The following EVC variants were observed in gnomAD, a reference collection of about 807,000 sequenced individuals.
The protein encoded by EVC is EvC ciliary complex subunit 1, also known as evC complex member EVC.
A neutral mutation model predicts 118.9 loss-of-function variants in EVC; 116 were observed. The observed-to-expected ratio is 0.98, with a 90% CI of 0.84 to 1.14. EVC has a LOEUF of 1.14. Among genes scored for constraint, EVC ranks in the 50% most tolerant of loss-of-function variants. EVC has a pLI of 0.00. For synonymous variants in EVC, 619 were observed against 534.7 expected, an observed-to-expected ratio of 1.16 and a Z score of -2.18; for missense variants, 1,401 against 1,246.4, an observed-to-expected ratio of 1.12 and a Z score of -1.87.
chr4:5,749,313 C>T lies in EVC; in HGVS notation c.1098+1007C>T, dbSNP rs1159568035. ...ATTGTCTTAGGCCACACATAAAATACATTAACACTAACGATAGCTGATGAG... is the reference window on the plus strand; with the variant it reads ...ATTGTCTTAGGCCACACATAAAATATATTAACACTAACGATAGCTGATGAG... On this transcript the variant is annotated intron_variant, in intron 8 of 20. Transcript: ENST00000264956. This position sits in a 1 kb window ranked among gnomAD's most constrained non-coding sequence, Gnocchi z 4.4. Among the ~76,000 whole-genome samples the T allele has an allele frequency of 7.7e-6, 1 of 129,894 alleles. No homozygotes were observed. Among genetic ancestry groups the T allele is most frequent in the African/African-American group, 3.0e-5 (1 of 32,866 alleles). 85.2% of individuals were successfully genotyped at this position (129,894 alleles called of 152,430 possible). A position where few individuals can be genotyped will look rare whatever the true frequency, so the allele number is the denominator to read the frequency against.
intron 11 of EVC, among the ~76,000 whole-genome samples, chr4:5,759,829 C>T (rs1303278722): frequency 1.3e-5 from 2 of 152,186 alleles, no homozygotes; most frequent in Non-Finnish European, 2.9e-5. Context: ...GGGACACAGC[C>T]TCAGGAGGGC....
At chr4:5,818,171 C>T (rs2152417553), downstream of EVC, among the ~76,000 whole-genome samples, 1 of 152,180 alleles carries the variant, frequency 6.6e-6, no homozygotes, top group South Asian at 2.1e-4. Context: ...AAACCATTTT[C>T]ACTTGGTTCT....
At chr4:5,748,394 A>T in intron 8 of EVC, 88 bp downstream of exon 8, 2 of 1,451,392 alleles carry the variant, frequency 1.4e-6, no homozygotes, top group East Asian at 4.6e-5. Flanking sequence ...AATCTAACAG[A>T]TTCATGTTGT....
At position 5,801,966 on chromosome 4, in the gene EVC, C is replaced by T. The variant is rs767144263; in HGVS notation, c.2321C>T (p.Ala774Val). The change falls in exon 16 of 21, where the codon GCG becomes GTG. Residue 774 changes from alanine (A) to valine (V), a missense_variant. Physicochemically the swap from Ala to Val is moderately conservative, Grantham distance 64 (BLOSUM62 0). Transcript: ENST00000264956. ...TTCCCTCAGAGGACACTGATGGAGG[C>T]GGCAGTGGAGAGCGTCTACGTGACC... The part of the protein sequence containing the change: ...RDDFKRTLME[A>V]AVESVYVTSA... 4.6e-5 allele frequency: 75 copies of T among 1,613,524 alleles called. No homozygotes were observed. Among genetic ancestry groups the T allele is most frequent in the Non-Finnish European group, 5.5e-5 (65 of 1,179,982 alleles).
At position 5,742,539 on chromosome 4, in the gene EVC, T is replaced by G. The variant is rs891528676; in HGVS notation, c.801+725T>G. Among the ~76,000 whole-genome samples the G allele has an allele frequency of 1.3e-5, 2 of 152,182 alleles. No homozygotes were observed. Among genetic ancestry groups the G allele is most frequent in the Non-Finnish European group, 2.9e-5 (2 of 68,028 alleles). ...TCATCACCATAAACACCATCATCTT[T>G]GCTATTGTCACCACTGACATCATCA... On this transcript the variant is annotated intron_variant, in intron 6 of 20. Transcript: ENST00000264956. This position sits in a 1 kb window ranked among gnomAD's most constrained non-coding sequence, Gnocchi z 5.2.
Position 5,810,967 on chromosome 4 carries a change from G to T in EVC, c.2909G>T (p.Ser970Ile), listed in dbSNP as rs756750818. ...TCTGTTTTAAGCAGCAAAAGGCTGA[G>T]TCAGCAAGAAAGTGAAGCTGGGGAC... ...TSGSLSSKRL[S>I]QQESEAGDSG... Residue 970 changes from serine (S) to isoleucine (I), a missense_variant, in exon 21 of 21, where the codon AGT (serine) becomes ATT (isoleucine). Ser to Ile is a moderately radical substitution (Grantham distance 142, BLOSUM62 -2). Transcript: ENST00000264956. The T allele has an allele frequency of 1.2e-6, 2 of 1,612,690 alleles. No homozygotes were observed. Among genetic ancestry groups the T allele is most frequent in the South Asian group, 2.2e-5 (2 of 90,668 alleles).
intron 11 of EVC, among the ~76,000 whole-genome samples, chr4:5,767,289 A>C (rs1733056261): frequency 6.7e-6 from 1 of 150,010 alleles, no homozygotes; most frequent in African/African-American, 2.4e-5. Context: ...TGGGAGAACC[A>C]CTGCTCTCTT....
At position 5,753,791 on chromosome 4, in the gene EVC, T is replaced by TC; in HGVS notation, c.1324dup (p.Gln442ProfsTer35). The TC allele has an allele frequency of 6.2e-7, 1 of 1,614,098 alleles. No individual in the cohort carries two copies. The highest frequency in any genetic ancestry group is 1.7e-4 in the Middle Eastern group (1 of 6,058). On this transcript the variant is annotated frameshift_variant, in exon 10 of 21. Transcript: ENST00000264956. LOFTEE classifies it high-confidence loss of function. ...TGGCTTTTTTCAATCCCAGAGTTTG[T>TC]CCAGCGAGGCAAAGACCTGGTCACG...
At chr4:5,806,623 T>C (rs185640642) in intron 17 of EVC, among the ~76,000 whole-genome samples, 208 of 152,336 alleles carry the variant, frequency 1.4e-3, no homozygotes, top group African/African-American at 4.9e-3. Flanking sequence ...TTCCATATCT[T>C]TGCTATTGTG....
At chr4:5,794,665 C>T (rs886394457) in intron 13 of EVC, among the ~76,000 whole-genome samples, 1 of 151,846 alleles carries the variant, frequency 6.6e-6, no homozygotes, top group Non-Finnish European at 1.5e-5. Flanking sequence ...CCCACCTCAG[C>T]CTTCCAAAGT....
intron 11 of EVC, among the ~76,000 whole-genome samples, chr4:5,760,024 A>G (rs1231866274): frequency 6.6e-6 from 1 of 152,118 alleles, no homozygotes; most frequent in Non-Finnish European, 1.5e-5. Context: ...ACAGGTAGGC[A>G]AGAGATAAAC....
chr4:5,824,475 C>T, the EVC span: 1 of 985,242 alleles, frequency 1.0e-6, no homozygotes, highest in Non-Finnish European at 1.2e-6. Context: ...TCTGAATTCA[C>T]ACGTCATCCT....
the EVC span, chr4:5,825,987 A>C: frequency 2.7e-6 from 1 of 374,948 alleles, no homozygotes; most frequent in East Asian, 6.2e-5. This position sits in a 1 kb window ranked among gnomAD's most constrained non-coding sequence, Gnocchi z 4.4. Flanking sequence ...AGGCCTACAC[A>C]GTAGCATACA....
At position 5,742,307 on chromosome 4, in the gene EVC, G is replaced by A. The variant is rs533276946; in HGVS notation, c.801+493G>A. Among the ~76,000 whole-genome samples, 46 of 152,268 alleles carry A rather than the reference G, an allele frequency of 3.0e-4. No homozygotes were observed. The highest frequency in any genetic ancestry group is 1.2e-3 in the South Asian group (6 of 4,806). ...TATAGTGAGATAATTCCTGTTCTGC[G>A]AGAGTGCAGAAAGGATAAGAGAGAT... is the stretch of plus-strand genomic sequence containing the variant. On this transcript the variant is annotated intron_variant, in intron 6 of 20. Coordinates refer to ENST00000264956, the MANE Select transcript of EVC (RefSeq NM_153717.3). This position sits in a 1 kb window ranked among gnomAD's most constrained non-coding sequence, Gnocchi z 5.2.
downstream of EVC, among the ~76,000 whole-genome samples, chr4:5,819,227 G>A (rs967052581): frequency 1.1e-4 from 17 of 152,210 alleles, no homozygotes; most frequent in African/African-American, 3.9e-4. Context: ...GCAGAATAAC[G>A]CTCCCCGTCC....
In EVC at chr4:5,749,740, T is replaced by C. The variant is rs115058162; in HGVS notation, c.1098+1434T>C. On this transcript the variant is annotated intron_variant, in intron 8 of 20. Transcript: ENST00000264956. This position sits in a 1 kb window ranked among gnomAD's most constrained non-coding sequence, Gnocchi z 4.4. Reference sequence around the variant, plus strand: ...TTTCCCCGTCCTGTGCACCAGCCCGTGTGGCAGCTCGGCTCAGAACCCTGC... The same window carrying C: ...TTTCCCCGTCCTGTGCACCAGCCCGCGTGGCAGCTCGGCTCAGAACCCTGC... Among the ~76,000 whole-genome samples, 2,375 of 152,248 alleles carry C rather than the reference T, an allele frequency of 0.016. 71 individuals are homozygous for C. The highest frequency in any genetic ancestry group is 0.054 in the African/African-American group (2,233 of 41,544).
intron 16 of EVC, among the ~76,000 whole-genome samples, chr4:5,803,143 GGAA>G (rs1715307114): frequency 6.6e-6 from 1 of 152,194 alleles, no homozygotes; most frequent in Non-Finnish European, 1.5e-5. Context: ...AAGGATGGTT[GGAA>G]GCCAATTTCT....
intron 5 of EVC, among the ~76,000 whole-genome samples, chr4:5,740,872 T>G (rs970126672): frequency 6.6e-6 from 1 of 152,150 alleles, no homozygotes; most frequent in African/African-American, 2.4e-5. Context: ...AAAATCCAAG[T>G]TGAACTCACA....
At position 5,737,232 on chromosome 4, in the gene EVC, A is replaced by G. The variant is rs1727835780; in HGVS notation, c.702+3797A>G. Among the ~76,000 whole-genome samples the G allele has an allele frequency of 6.6e-6, 1 of 152,202 alleles. No individual in the cohort carries two copies. The highest frequency in any genetic ancestry group is 2.4e-5 in the African/African-American group (1 of 41,450). Reference sequence around the variant, plus strand: ...AATTCTGTGAGTGCTGAGAGAGGTGAGGAAGCTGCAGAAGAAAAATTTGAA... The same window carrying G: ...AATTCTGTGAGTGCTGAGAGAGGTGGGGAAGCTGCAGAAGAAAAATTTGAA... On this transcript the variant is annotated intron_variant, in intron 5 of 20. Coordinates refer to ENST00000264956, the MANE Select transcript of EVC (RefSeq NM_153717.3). This position sits in a 1 kb window ranked among gnomAD's most constrained non-coding sequence, Gnocchi z 5.0.
Sources: allele counts gnomAD v4.1 joint callset (sites outside exome capture counted in the v4.1 genomes callset), GRCh38; gene constraint gnomAD v4.1.1; non-coding constraint Gnocchi (gnomAD v3.1); transcripts MANE v1.5; gene names NCBI Gene and HGNC (gene_info 2026-07-23, HGNC 2026-07-21).